The following STK39 variants were observed in gnomAD, a reference collection of about 807,000 sequenced individuals.
The protein encoded by STK39 is STE20/SPS1-related proline-alanine-rich protein kinase.
STK39 carries 20 observed loss-of-function variants against 77.8 expected under a neutral mutation model. The ratio of observed to expected loss-of-function variants is 0.26; its 90% CI spans 0.18 to 0.37. The LOEUF (loss-of-function observed/expected upper bound fraction) is 0.37. STK39 is among the 10% of genes least tolerant of loss of function. STK39 has a pLI of 1.00. For synonymous variants in STK39, 246 were observed against 234.1 expected, an observed-to-expected ratio of 1.05 and a Z score of -0.47; for missense variants, 479 against 656.5, an observed-to-expected ratio of 0.73 and a Z score of 2.95.
chr2:168,220,797 T>TGAG lies in STK39; in HGVS notation c.208+26428_208+26430dup, dbSNP rs1251643226. Among the ~76,000 whole-genome samples the TGAG allele has an allele frequency of 5.3e-5, 8 of 152,320 alleles. No individual in the cohort carries two copies. The East Asian group carries it at 1.5e-3, about 29-fold the overall frequency. ...TAATACAATTGAACATGTGTCCGAC[T>TGAG]GAGGAGATTAAGATTATACACACTG... On this transcript the variant is annotated intron_variant, in intron 1 of 17. Transcript: ENST00000355999.
intron 14 of STK39, among the ~76,000 whole-genome samples, chr2:168,043,531 G>C (rs2105355630): frequency 6.6e-6 from 1 of 152,314 alleles, no homozygotes; most frequent in East Asian, 1.9e-4. Flanking sequence ...AAACACAGAA[G>C]CAATGCAAAT....
intron 14 of STK39, among the ~76,000 whole-genome samples, chr2:168,018,426 G>C (rs1684469841): frequency 6.6e-6 from 1 of 151,068 alleles, no homozygotes; most frequent in Non-Finnish European, 1.5e-5. Flanking sequence ...GAACCCGGCA[G>C]GTATTGCAGT....
rs960276635 is a variant in STK39, at chr2:168,109,200, G to T, written c.1089+20341C>A. Among the ~76,000 whole-genome samples the T allele has an allele frequency of 2.0e-5, 3 of 152,216 alleles. No individual in the cohort carries two copies. The East Asian group carries it at 5.8e-4, about 29-fold the overall frequency. ...ACAATAACACCCAACTTAAAATATT[G>T]CTACATGGCACATACCCTAGCCTCA... On this transcript the variant is annotated intron_variant, in intron 10 of 17. Coordinates refer to ENST00000355999, the MANE Select transcript of STK39 (RefSeq NM_013233.3).
chr2:168,043,501 G>A (rs1311017365), intron 14 of STK39, among the ~76,000 whole-genome samples: 1 of 152,202 alleles, frequency 6.6e-6, no homozygotes, highest in African/African-American at 2.4e-5. Flanking sequence ...AAATCATGTT[G>A]CAGCTGCTTC....
intron 10 of STK39, among the ~76,000 whole-genome samples, chr2:168,095,744 A>G (rs1686650542): frequency 6.7e-6 from 1 of 148,886 alleles, no homozygotes. Flanking sequence ...ATCCTGCTTC[A>G]GCCTCCCGGG....
intron 14 of STK39, among the ~76,000 whole-genome samples, chr2:168,061,645 T>C (rs1559078627): frequency 4.6e-5 from 7 of 152,112 alleles, no homozygotes. Flanking sequence ...CAAAGGCAGA[T>C]ACAGACTAAA....
intron 10 of STK39, among the ~76,000 whole-genome samples, chr2:168,084,470 C>T (rs931148514): frequency 2.0e-5 from 3 of 152,152 alleles, no homozygotes; most frequent in Non-Finnish European, 4.4e-5. Context: ...AATGAAATGA[C>T]TGTTGTTTTA....
intron 16 of STK39, among the ~76,000 whole-genome samples, chr2:167,974,357 G>C (rs1342843843): frequency 3.3e-5 from 5 of 152,022 alleles, no homozygotes; most frequent in African/African-American, 1.2e-4. Flanking sequence ...TCAAATTTGA[G>C]CTTCAAAACG....
At chr2:168,150,746 C>T (rs780476927) in intron 5 of STK39, among the ~76,000 whole-genome samples, 8 of 151,758 alleles carry the variant, frequency 5.3e-5, no homozygotes, top group Admixed American at 3.9e-4. Context: ...AGAGTGATAA[C>T]CTTGAATCTG....
At chr2:168,107,179 G>C (rs900696242) in intron 10 of STK39, among the ~76,000 whole-genome samples, 5 of 152,176 alleles carry the variant, frequency 3.3e-5, no homozygotes, top group African/African-American at 1.2e-4. Flanking sequence ...GTCAGAAGGT[G>C]ACTGCGATTT....
At chr2:167,962,701 A>G (rs1692021207) in intron 17 of STK39, among the ~76,000 whole-genome samples, 1 of 152,204 alleles carries the variant, frequency 6.6e-6, no homozygotes, top group Non-Finnish European at 1.5e-5. Flanking sequence ...GTCCCAGCCA[A>G]TGTAAATGTA....
chr2:167,974,546 T>A (rs927695009), intron 16 of STK39, among the ~76,000 whole-genome samples: 1 of 152,236 alleles, frequency 6.6e-6, no homozygotes, highest in Non-Finnish European at 1.5e-5. Flanking sequence ...TCCAAAATTG[T>A]ATGGGATTTC....
chr2:168,049,804 C>T (rs1390597116), intron 14 of STK39, among the ~76,000 whole-genome samples: 1 of 152,192 alleles, frequency 6.6e-6, no homozygotes, highest in Non-Finnish European at 1.5e-5. Context: ...TGTCTGTGTT[C>T]CTACTCTTCC....
At chr2:168,050,665 C>T (rs1048318134) in intron 14 of STK39, among the ~76,000 whole-genome samples, 19 of 152,130 alleles carry the variant, frequency 1.2e-4, no homozygotes, top group Admixed American at 3.9e-4. Context: ...GGGAAGGAAA[C>T]AGACTCTCCC....
At chr2:168,080,615 G>GT (rs949007589) in intron 10 of STK39, among the ~76,000 whole-genome samples, 4 of 151,798 alleles carry the variant, frequency 2.6e-5, no homozygotes, top group African/African-American at 9.7e-5. Context: ...GGGCGACAGA[G>GT]TGAGACTCCT....
At chr2:167,986,290 A>G (rs991713580) in intron 16 of STK39, among the ~76,000 whole-genome samples, 5 of 152,216 alleles carry the variant, frequency 3.3e-5, no homozygotes, top group Non-Finnish European at 7.3e-5. Flanking sequence ...GTGAGGATGT[A>G]CTGGGCTCTA....
chr2:168,148,654 T>A (rs1559120647), intron 5 of STK39, among the ~76,000 whole-genome samples: 1 of 152,300 alleles, frequency 6.6e-6, no homozygotes, highest in Non-Finnish European at 1.5e-5. Flanking sequence ...GGAGTAGTTT[T>A]CCTTCTATTA....
chr2:167,956,359 C>T lies in STK39; in HGVS notation c.1564-789G>A, dbSNP rs938683659. On this transcript the variant is annotated intron_variant, in intron 17 of 17. Transcript: ENST00000355999. ...GGATCATGAGGTCAGGAGATCGAGA[C>T]CATCCTGGCCAACATGGTGAAACCC... Among the ~76,000 whole-genome samples, 4 of 152,114 alleles carry T rather than the reference C, an allele frequency of 2.6e-5. No homozygotes were observed. The South Asian group carries it at 6.2e-4, about 24-fold the overall frequency.
At chr2:168,242,079 CATAA>C (rs1207554375) in intron 1 of STK39, among the ~76,000 whole-genome samples, 5 of 152,116 alleles carry the variant, frequency 3.3e-5, no homozygotes, top group Admixed American at 6.5e-5. Context: ...AAATCAAATG[CATAA>C]ATAAAGGATT....
Sources: gnomAD v4.1 joint callset for allele counts (sites outside exome capture counted in the v4.1 genomes callset) on GRCh38, gnomAD v4.1.1 for gene constraint, MANE v1.5 for transcripts, NCBI Gene and HGNC (gene_info 2026-07-23, HGNC 2026-07-21) for gene names.